The following DNAJC1 variants were observed in gnomAD, a reference collection of about 807,000 sequenced individuals.
The protein encoded by DNAJC1 is DnaJ heat shock protein family (Hsp40) member C1, also known as dnaJ homolog subfamily C member 1.
DNAJC1 carries 58 observed loss-of-function variants against 76.6 expected under a neutral mutation model. That is an observed-to-expected ratio of 0.76 (90% confidence interval 0.61 to 0.94). The LOEUF is 0.94. Ranked by LOEUF, DNAJC1 falls within the 40% of genes least tolerant of loss-of-function variation. The pLI is 0.00. For synonymous variants in DNAJC1, 258 were observed against 267.9 expected (o/e 0.96, Z 0.36); for missense variants, 689 against 677.3 (o/e 1.02, Z -0.19).
At chr10:21,915,371 G>C (rs181051575) in intron 6 of DNAJC1, among the ~76,000 whole-genome samples, 3 of 152,180 alleles carry the variant, frequency 2.0e-5, no homozygotes, top group East Asian at 3.9e-4. Context: ...AGGATGAATG[G>C]GAAGGAAAGA....
chr10:21,854,235 A>G (rs939210534), intron 8 of DNAJC1, among the ~76,000 whole-genome samples: 14 of 152,022 alleles, frequency 9.2e-5, no homozygotes, highest in African/African-American at 3.1e-4. Context: ...ATTTATATTA[A>G]TAAGGCTGGA....
intron 9 of DNAJC1, among the ~76,000 whole-genome samples, chr10:21,775,590 G>A (rs113581559): frequency 2.0e-5 from 3 of 151,812 alleles, no homozygotes; most frequent in Admixed American, 6.6e-5. Flanking sequence ...CCATGACCAC[G>A]GTCATCACCA....
At position 22,003,559 on chromosome 10, in the gene DNAJC1, C is replaced by A. The variant is rs962105218; in HGVS notation, c.-125G>T. On this transcript the variant is annotated 5_prime_UTR_variant, in exon 1 of 12. Coordinates refer to ENST00000376980, the MANE Select transcript of DNAJC1 (RefSeq NM_022365.4). ...AAAAGCGCGGGCAGGCGCACCGGAG[C>A]GGCCCGCCAGGTGGCTGGCCCCAGA... The A allele has an allele frequency of 1.7e-6, 2 of 1,179,682 alleles. No homozygotes were observed. Among genetic ancestry groups the A allele is most frequent in the African/African-American group, 3.2e-5 (2 of 62,240 alleles). 73.1% of individuals were successfully genotyped at this position (1,179,682 alleles called of 1,614,324 possible). A position where few individuals can be genotyped will look rare whatever the true frequency, so the allele number is the denominator to read the frequency against.
In DNAJC1 at chr10:21,759,516, G is replaced by A; in HGVS notation, c.1250C>T (p.Ala417Val). The A allele has an allele frequency of 1.9e-6, 3 of 1,614,174 alleles. No individual in the cohort carries two copies. Among genetic ancestry groups the A allele is most frequent in the Middle Eastern group, 1.6e-4 (1 of 6,062 alleles). Residue 417 changes from alanine to valine, a missense_variant, in exon 11 of 12, where the codon GCA (alanine) becomes GTA (valine). Transcript: ENST00000376980. ...CTCCTCCTCCGCTGCCACCCCCTCTGCGTCCTCTCGCTGGGTGATCATGTC... is the reference window on the plus strand; with the variant it reads ...CTCCTCCTCCGCTGCCACCCCCTCTACGTCCTCTCGCTGGGTGATCATGTC... ...PDDMITQRED[A>V]EGVAAEEEQE...
At chr10:21,928,313 C>T (rs887380162) in intron 3 of DNAJC1, among the ~76,000 whole-genome samples, 193 bp downstream of exon 3, 1 of 152,134 alleles carries the variant, frequency 6.6e-6, no homozygotes, top group African/African-American at 2.4e-5. Flanking sequence ...TTGTATGTAT[C>T]AAATCAATCT....
intron 1 of DNAJC1, among the ~76,000 whole-genome samples, chr10:21,948,680 T>A (rs925202719): frequency 5.3e-4 from 80 of 152,236 alleles, no homozygotes; most frequent in African/African-American, 1.8e-3. Context: ...TGTGCCTAAT[T>A]TATAAATTGA....
intron 6 of DNAJC1, 126 bp downstream of exon 6, chr10:21,918,653 C>A: frequency 1.6e-6 from 1 of 610,738 alleles, no homozygotes; most frequent in Non-Finnish European, 2.9e-6. Flanking sequence ...TATAAAAATC[C>A]TACTCAATCA....
At chr10:21,794,302 A>T (rs1216176238) in intron 9 of DNAJC1, among the ~76,000 whole-genome samples, 1 of 151,586 alleles carries the variant, frequency 6.6e-6, no homozygotes, top group Non-Finnish European at 1.5e-5. Context: ...GAGAGAGAGA[A>T]AAGAAAATGG....
intron 1 of DNAJC1, among the ~76,000 whole-genome samples, chr10:21,936,241 C>T (rs982082994): frequency 6.6e-6 from 1 of 152,212 alleles, no homozygotes. Context: ...GAGGAAGGGG[C>T]CCTCACCAGA....
chr10:21,801,903 A>G (rs1181754182), intron 9 of DNAJC1, among the ~76,000 whole-genome samples: 1 of 152,154 alleles, frequency 6.6e-6, no homozygotes, highest in African/African-American at 2.4e-5. Context: ...AAAACCAAAT[A>G]CCACATGTTC....
intron 8 of DNAJC1, among the ~76,000 whole-genome samples, chr10:21,814,064 T>C (rs913766088): frequency 6.6e-5 from 10 of 152,150 alleles, no homozygotes; most frequent in African/African-American, 2.2e-4. Context: ...GTGATGAGGA[T>C]GGGATTCTCA....
At chr10:21,865,489 T>C (rs1477967084) in intron 8 of DNAJC1, 1 of 152,130 alleles carries the variant, frequency 6.6e-6, no homozygotes, top group Non-Finnish European at 1.5e-5. Context: ...CACTGTATGA[T>C]TATACATAAT....
rs377435991 is a variant in DNAJC1 at position 21,881,550 on chromosome 10, C to T, written c.978+732G>A. The stretch of plus-strand genomic sequence containing the variant: ...TAGGGAGTAGGGAGACCAGAGGAGA[C>T]GGAAAGAGACTAGAGGATGATTGAT... On this transcript the variant is annotated intron_variant, in intron 8 of 11. Coordinates refer to ENST00000376980, the MANE Select transcript of DNAJC1 (RefSeq NM_022365.4). 1.1e-4 allele frequency among the ~76,000 whole-genome samples: 17 copies of T among 151,966 alleles called. No individual in the cohort carries two copies. In the East Asian group the frequency reaches 1.4e-3, roughly 12 times the overall value.
At chr10:21,806,120 T>C in intron 8 of DNAJC1, 21 bp from the exon 9 acceptor site, 1 of 1,573,206 alleles carries the variant, frequency 6.4e-7, no homozygotes, top group Non-Finnish European at 8.6e-7. Flanking sequence ...TTAAAGAAAA[T>C]AAAAAAAGAT....
intron 1 of DNAJC1, among the ~76,000 whole-genome samples, chr10:21,941,042 G>A (rs1430333473): frequency 1.4e-5 from 2 of 147,120 alleles, no homozygotes; most frequent in Non-Finnish European, 3.0e-5. Flanking sequence ...ACAAGGTCAG[G>A]AGATCGAGAC....
chr10:21,810,311 T>C (rs975357568), intron 8 of DNAJC1, among the ~76,000 whole-genome samples: 1 of 152,196 alleles, frequency 6.6e-6, no homozygotes, highest in African/African-American at 2.4e-5. Context: ...TAACATCTAC[T>C]GAAATATACC....
intron 8 of DNAJC1, among the ~76,000 whole-genome samples, chr10:21,808,278 A>G (rs769961864): frequency 2.0e-5 from 3 of 152,202 alleles, no homozygotes; most frequent in Non-Finnish European, 2.9e-5. Flanking sequence ...TTCTATTTTT[A>G]ACAGATCAAC....
chr10:21,775,749 G>C (rs1348234990), intron 9 of DNAJC1, among the ~76,000 whole-genome samples: 1 of 152,090 alleles, frequency 6.6e-6, no homozygotes, highest in African/African-American at 2.4e-5. Flanking sequence ...AGTTTCAGAA[G>C]ATATAGGACT....
intron 8 of DNAJC1, among the ~76,000 whole-genome samples, chr10:21,862,152 A>C (rs893654830): frequency 2.6e-5 from 4 of 152,082 alleles, no homozygotes; most frequent in Admixed American, 6.6e-5. Context: ...TCCCAACCTC[A>C]GGTGATCCGC....
Sources: gnomAD v4.1 joint callset for allele counts (sites outside exome capture counted in the v4.1 genomes callset) on GRCh38, gnomAD v4.1.1 for gene constraint, MANE v1.5 for transcripts, NCBI Gene and HGNC (gene_info 2026-07-23, HGNC 2026-07-21) for gene names.